SMIM35: variants seen among roughly 807,000 people sequenced by gnomAD.
The protein encoded by SMIM35 is TMPRSS4 antisense RNA 1 (non-protein coding).
At chr11:118,054,867 G>A (rs1254189548) in intron 1 of SMIM35, among the ~76,000 whole-genome samples, 1 of 148,560 alleles carries the variant, frequency 6.7e-6, no homozygotes, top group Non-Finnish European at 1.5e-5. Context: ...GCAGTGGCCC[G>A]ATCTCTGCTC....
chr11:118,036,559 G>C (rs2058360861), intron 1 of SMIM35, among the ~76,000 whole-genome samples: 1 of 152,326 alleles, frequency 6.6e-6, no homozygotes, highest in Admixed American at 6.5e-5. Context: ...CACAGGGCTG[G>C]GTGATGCATA....
At chr11:118,064,171 C>A (rs1944432753) in intron 1 of SMIM35, among the ~76,000 whole-genome samples, 1 of 152,202 alleles carries the variant, frequency 6.6e-6, no homozygotes, top group African/African-American at 2.4e-5. Context: ...TGGGGAGAAC[C>A]CCCAGGCATT....
rs1052483901 is a variant in SMIM35, at chr11:118,005,701, T to C, written c.*709A>G. On this transcript the variant is annotated 3_prime_UTR_variant, in exon 5 of 5. Coordinates refer to ENST00000689828, the MANE Select transcript of SMIM35 (RefSeq NM_001394165.1). ...CCAGATAGATGGTGAATCCAATCACTTGTCACCACCTCCCACTGTCATCTG... is the reference window on the plus strand; with the variant it reads ...CCAGATAGATGGTGAATCCAATCACCTGTCACCACCTCCCACTGTCATCTG... The C allele has an allele frequency of 6.6e-6, 1 of 152,516 alleles. No individual in the cohort carries two copies. The highest frequency in any genetic ancestry group is 1.5e-5 in the Non-Finnish European group (1 of 68,182). 9.4% of individuals were successfully genotyped at this position (152,516 alleles called of 1,614,324 possible).
intron 1 of SMIM35, among the ~76,000 whole-genome samples, chr11:118,037,726 T>C (rs1247311270): frequency 6.6e-6 from 1 of 152,192 alleles, no homozygotes; most frequent in Non-Finnish European, 1.5e-5. Flanking sequence ...GTTCTTGAGA[T>C]AGTTTGTGGT....
chr11:118,071,757 G>A (rs1402637479), intron 1 of SMIM35, among the ~76,000 whole-genome samples: 1 of 152,122 alleles, frequency 6.6e-6, no homozygotes, highest in East Asian at 1.9e-4. Flanking sequence ...AGAAATAATA[G>A]CCTCTACCCA....
At chr11:118,044,863 C>T (rs904251149) in intron 1 of SMIM35, among the ~76,000 whole-genome samples, 1 of 150,132 alleles carries the variant, frequency 6.7e-6, no homozygotes, top group East Asian at 1.9e-4. Context: ...TTAGAAGAAA[C>T]CTCCAGCAGG....
At chr11:118,055,245 A>G (rs1205196759) in intron 1 of SMIM35, among the ~76,000 whole-genome samples, 1 of 152,124 alleles carries the variant, frequency 6.6e-6, no homozygotes, top group Non-Finnish European at 1.5e-5. Context: ...TGCCAAGGCC[A>G]GTTTGGCAGC....
At chr11:118,069,953 C>T (rs558659445) in intron 1 of SMIM35, among the ~76,000 whole-genome samples, 5 of 151,976 alleles carry the variant, frequency 3.3e-5, no homozygotes, top group South Asian at 2.1e-4. Flanking sequence ...CCCAGCCACT[C>T]GGGAGGTTGA....
intron 4 of SMIM35, among the ~76,000 whole-genome samples, chr11:118,009,421 A>C (rs1427967788): frequency 6.6e-6 from 1 of 152,210 alleles, no homozygotes; most frequent in African/African-American, 2.4e-5. Context: ...GAGGATGAAG[A>C]CGCGCATCAT....
intron 1 of SMIM35, among the ~76,000 whole-genome samples, chr11:118,072,140 G>A (rs143920669): frequency 6.6e-6 from 1 of 152,252 alleles, no homozygotes; most frequent in Non-Finnish European, 1.5e-5. Flanking sequence ...GGATGGCCAG[G>A]CACATATAGA....
chr11:118,034,736 T>C (rs768550461), intron 1 of SMIM35, among the ~76,000 whole-genome samples: 5 of 152,042 alleles, frequency 3.3e-5, no homozygotes, highest in Non-Finnish European at 7.4e-5. Context: ...GTCCACAATG[T>C]GAAGGGTGAA....
chr11:118,071,743 C>T (rs551142327), intron 1 of SMIM35, among the ~76,000 whole-genome samples: 14 of 152,318 alleles, frequency 9.2e-5, no homozygotes, highest in African/African-American at 3.4e-4. Context: ...ATTCAGCTCA[C>T]TTCAGAAATA....
chr11:118,071,161 A>G (rs548462206), intron 1 of SMIM35, among the ~76,000 whole-genome samples: 1 of 152,304 alleles, frequency 6.6e-6, no homozygotes, highest in African/African-American at 2.4e-5. Flanking sequence ...TGTCAGACTC[A>G]TGCCTGTCTT....
chr11:118,083,898 G>T (rs555184624), intron 1 of SMIM35, among the ~76,000 whole-genome samples: 2 of 151,926 alleles, frequency 1.3e-5, no homozygotes, highest in Admixed American at 1.3e-4. Context: ...TTAGCTGGGC[G>T]GTGGTGGCAG....
intron 1 of SMIM35, among the ~76,000 whole-genome samples, chr11:118,026,821 T>C (rs1469437310): frequency 6.6e-6 from 1 of 151,876 alleles, no homozygotes; most frequent in Non-Finnish European, 1.5e-5. Flanking sequence ...AAAATAAAAA[T>C]ATAAAATGCA....
chr11:118,031,026 G>T (rs1056496013), intron 1 of SMIM35, among the ~76,000 whole-genome samples: 1 of 152,036 alleles, frequency 6.6e-6, no homozygotes, highest in African/African-American at 2.4e-5. Context: ...TATCAATATC[G>T]ATGTTGATTA....
intron 1 of SMIM35, among the ~76,000 whole-genome samples, chr11:118,030,650 G>A (rs911573928): frequency 1.3e-5 from 2 of 152,100 alleles, no homozygotes; most frequent in African/African-American, 4.8e-5. Flanking sequence ...CCCAAGCTGG[G>A]GGAGGAGGGT....
intron 1 of SMIM35, among the ~76,000 whole-genome samples, chr11:118,056,875 G>A (rs1233721055): frequency 1.3e-5 from 2 of 152,234 alleles, no homozygotes; most frequent in Non-Finnish European, 2.9e-5. Flanking sequence ...CACAGTTCCA[G>A]TGAAATGAAG....
chr11:118,038,267 T>A (rs1422129983), intron 1 of SMIM35, among the ~76,000 whole-genome samples: 1 of 152,222 alleles, frequency 6.6e-6, no homozygotes, highest in East Asian at 1.9e-4. Flanking sequence ...GCTTATAAAC[T>A]ATAAGACACA....
Sources: gnomAD v4.1 joint callset for allele counts (sites outside exome capture counted in the v4.1 genomes callset) on GRCh38, gnomAD v4.1.1 for gene constraint, MANE v1.5 for transcripts, NCBI Gene and HGNC (gene_info 2026-07-23, HGNC 2026-07-21) for gene names.